CNTLN: variants seen among roughly 807,000 people sequenced by gnomAD.
CNTLN encodes centlein.
A neutral mutation model predicts 180.0 loss-of-function variants in CNTLN; 212 were observed. The observed-to-expected ratio is 1.18, with a 90% CI of 1.05 to 1.32. The LOEUF is 1.32. Ranked by LOEUF, CNTLN falls within the 40% of genes most tolerant of loss-of-function variation. The pLI, the probability that CNTLN is intolerant of heterozygous loss-of-function variation, is 0.00. For missense variants in CNTLN, 2,095 were observed against 1,610.9 expected, an observed-to-expected ratio of 1.30 and a Z score of -5.14; for synonymous variants, 722 against 563.1, an observed-to-expected ratio of 1.28 and a Z score of -3.99.
chr9:17,457,890 A>G (rs911132618), intron 19 of CNTLN, among the ~76,000 whole-genome samples, 175 bp downstream of exon 19: 3 of 151,980 alleles, frequency 2.0e-5, no homozygotes, highest in African/African-American at 7.2e-5. Flanking sequence ...TTATCTGGTA[A>G]TCAATACTAC....
At chr9:17,400,701 A>G (rs1332622535) in intron 15 of CNTLN, among the ~76,000 whole-genome samples, 8 of 152,164 alleles carry the variant, frequency 5.3e-5, no homozygotes, top group African/African-American at 1.9e-4. Context: ...TTATTATTAA[A>G]AGGAATCATT....
chr9:17,487,222 C>G (rs1201037946), intron 25 of CNTLN, 156 bp downstream of exon 25: 1 of 637,494 alleles, frequency 1.6e-6, no homozygotes, highest in Non-Finnish European at 2.8e-6. Flanking sequence ...AGTTAACCCT[C>G]TATTTGTACT....
At chr9:17,223,774 C>T (rs1200009470) in intron 2 of CNTLN, among the ~76,000 whole-genome samples, 2 of 151,976 alleles carry the variant, frequency 1.3e-5, no homozygotes, top group African/African-American at 2.4e-5. Flanking sequence ...CTGCTCATTG[C>T]CTTCCCATTT....
intron 8 of CNTLN, among the ~76,000 whole-genome samples, chr9:17,315,553 T>G (rs1819480704): frequency 1.3e-5 from 2 of 152,106 alleles, no homozygotes; most frequent in Non-Finnish European, 2.9e-5. Context: ...TAAAAATGTC[T>G]TCAAATATGA....
intron 5 of CNTLN, among the ~76,000 whole-genome samples, chr9:17,244,766 G>A (rs1825705117): frequency 6.6e-6 from 1 of 151,842 alleles, no homozygotes; most frequent in African/African-American, 2.4e-5. Flanking sequence ...TTCTCTGGTG[G>A]TATGATTTAA....
At chr9:17,427,222 G>A (rs531796856) in intron 18 of CNTLN, among the ~76,000 whole-genome samples, 15 of 150,980 alleles carry the variant, frequency 9.9e-5, no homozygotes, top group African/African-American at 2.7e-4. Flanking sequence ...CACATGCTCC[G>A]TGCTCTGCTG....
At chr9:17,386,250 G>GA (rs973357378) in intron 13 of CNTLN, among the ~76,000 whole-genome samples, 8 of 151,194 alleles carry the variant, frequency 5.3e-5, no homozygotes, top group African/African-American at 1.7e-4. Context: ...AGGATTAAAA[G>GA]AAAAAATATA....
rs57987820 is a variant in CNTLN at position 17,442,897 on chromosome 9, TA to T, written c.3115-14621del. Among the ~76,000 whole-genome samples, 1,232 of 152,216 alleles carry T rather than the reference TA, an allele frequency of 8.1e-3. 13 individuals carry two copies. The highest frequency in any genetic ancestry group is 0.027 in the African/African-American group (1,131 of 41,524). On this transcript the variant is annotated intron_variant, in intron 18 of 25. Transcript: ENST00000380647. ...TAGATCTCATGTTTTTTTACCACAA[TA>T]AAAAAGGTAAAAATTTTCTGATAAA...
intron 12 of CNTLN, among the ~76,000 whole-genome samples, chr9:17,362,111 C>T (rs1421644633): frequency 1.3e-5 from 2 of 152,148 alleles, no homozygotes; most frequent in Non-Finnish European, 2.9e-5. Context: ...TGTGTTCTTT[C>T]CAAAAGAAAC....
chr9:17,519,085 G>GTTATTTAATTAT, the CNTLN span, among the ~76,000 whole-genome samples: 4 of 151,126 alleles, frequency 2.6e-5, no homozygotes, highest in East Asian at 7.7e-4. Context: ...ACCAGGCCTA[G>GTTATTTAATTAT]TTATTTATTT....
At chr9:17,220,107 G>A (rs971607003) in intron 2 of CNTLN, among the ~76,000 whole-genome samples, 25 of 152,076 alleles carry the variant, frequency 1.6e-4, no homozygotes, top group African/African-American at 6.0e-4. Flanking sequence ...TCTTGATTCA[G>A]TGCATCTGGA....
At chr9:17,184,411 T>C (rs191514328) in intron 2 of CNTLN, among the ~76,000 whole-genome samples, 121 of 152,168 alleles carry the variant, frequency 8.0e-4, no homozygotes, top group Admixed American at 2.9e-3. Context: ...TAAAGTGCAA[T>C]ACGTATGATA....
At chr9:17,241,849 T>A (rs1002171867) in intron 5 of CNTLN, among the ~76,000 whole-genome samples, 4 of 152,214 alleles carry the variant, frequency 2.6e-5, no homozygotes, top group Non-Finnish European at 5.9e-5. Flanking sequence ...TTTTTCAGAT[T>A]GTTTGCTGTT....
chr9:17,519,260 A>T, the CNTLN span, among the ~76,000 whole-genome samples: 185 of 135,788 alleles, frequency 1.4e-3, no homozygotes, highest in African/African-American at 6.0e-3. Context: ...TTTTTTTTTT[A>T]ATCAAAGAAA....
intron 11 of CNTLN, among the ~76,000 whole-genome samples, chr9:17,341,930 T>G (rs1821510588): frequency 6.6e-6 from 1 of 152,194 alleles, no homozygotes; most frequent in Non-Finnish European, 1.5e-5. Flanking sequence ...AATAGTTTTT[T>G]TAAAAGATAA....
At chr9:17,214,746 G>C (rs1823608457) in intron 2 of CNTLN, among the ~76,000 whole-genome samples, 2 of 152,130 alleles carry the variant, frequency 1.3e-5, no homozygotes, top group African/African-American at 2.4e-5. Context: ...TGGAGGCTTT[G>C]TTCATTTCTT....
intron 12 of CNTLN, among the ~76,000 whole-genome samples, chr9:17,362,609 A>T (rs1276976756): frequency 2.0e-5 from 3 of 152,222 alleles, no homozygotes; most frequent in African/African-American, 7.2e-5. Flanking sequence ...AACAATAATT[A>T]CAACAACTTG....
intron 22 of CNTLN, 106 bp downstream of exon 22, chr9:17,466,224 A>G: frequency 1.1e-6 from 1 of 915,462 alleles, no homozygotes. Context: ...AGCTACTTAA[A>G]CACTTCAGAT....
intron 21 of CNTLN, among the ~76,000 whole-genome samples, chr9:17,464,972 G>C (rs118033888): frequency 0.012 from 1,806 of 151,112 alleles, 20 homozygotes; most frequent in Admixed American, 0.017. Flanking sequence ...GTGAAAACTT[G>C]ATTACCTATA....
Sources: allele counts gnomAD v4.1 joint callset (sites outside exome capture counted in the v4.1 genomes callset), GRCh38; gene constraint gnomAD v4.1.1; transcripts MANE v1.5; gene names NCBI Gene and HGNC (gene_info 2026-07-23, HGNC 2026-07-21).